Variants in FOLH1 observed in about 807,000 individuals in gnomAD.
FOLH1 encodes folate hydrolase 1, also known as glutamate carboxypeptidase 2.
A neutral mutation model predicts 93.9 loss-of-function variants in FOLH1; 54 were observed. The ratio of observed to expected loss-of-function variants is 0.57; its 90% confidence interval spans 0.46 to 0.72. The LOEUF (loss-of-function observed/expected upper bound fraction) is 0.72. FOLH1 is among the 30% of genes least tolerant of loss of function. The probability of loss-of-function intolerance (pLI) is 0.00; values close to 1 mark genes in which losing one functional copy is unlikely to be tolerated. For missense variants in FOLH1, 571 were observed against 892.5 expected, an observed-to-expected ratio of 0.64 and a Z score of 4.59; for synonymous variants, 249 against 303.6, an observed-to-expected ratio of 0.82 and a Z score of 1.87.
chr11:49,204,718 AT>A (rs1266347851), intron 2 of FOLH1, among the ~76,000 whole-genome samples: 3 of 152,036 alleles, frequency 2.0e-5, no homozygotes, highest in African/African-American at 7.2e-5. Flanking sequence ...AAACATATAT[AT>A]GTTTGTATGA....
chr11:49,146,620 A>G lies in FOLH1; in HGVS notation c.*136T>C. 1 of 658,610 alleles carries G rather than the reference A, an allele frequency of 1.5e-6. No individual in the cohort carries two copies. The highest frequency in any genetic ancestry group is 2.7e-5 in the South Asian group (1 of 37,180). The allele number at this position is 658,610 out of a possible 1,614,324, so 40.8% of individuals were successfully genotyped here. On this transcript the variant is annotated 3_prime_UTR_variant, in exon 19 of 19. Coordinates refer to ENST00000256999, the MANE Select transcript of FOLH1 (RefSeq NM_004476.3). ...AAACAATATAAACACACACATATAT[A>G]AACACTCACATAACTATATATAATA...
At chr11:49,149,484 T>C (rs1856221911) in intron 17 of FOLH1, among the ~76,000 whole-genome samples, 1 of 152,182 alleles carries the variant, frequency 6.6e-6, no homozygotes, top group East Asian at 1.9e-4. Flanking sequence ...CTTCATGTTG[T>C]TAAGACAATG....
At chr11:49,201,501 A>G (rs901226099) in intron 2 of FOLH1, among the ~76,000 whole-genome samples, 3 of 151,500 alleles carry the variant, frequency 2.0e-5, no homozygotes, top group Non-Finnish European at 2.9e-5. Context: ...AATTTCCTGT[A>G]ACTTGTTTAC....
chr11:49,180,930 TTG>T (rs931146626), intron 7 of FOLH1, among the ~76,000 whole-genome samples: 7 of 152,054 alleles, frequency 4.6e-5, no homozygotes, highest in African/African-American at 1.4e-4. Flanking sequence ...GTCAGATGAA[TTG>T]TGTTTGTTAT....
chr11:49,183,627 A>G (rs758715440), intron 6 of FOLH1, among the ~76,000 whole-genome samples: 1 of 152,238 alleles, frequency 6.6e-6, no homozygotes, highest in Non-Finnish European at 1.5e-5. Flanking sequence ...GTTTCTAACA[A>G]CAGAAGAATG....
intron 12 of FOLH1, among the ~76,000 whole-genome samples, chr11:49,167,476 T>C (rs1244546274): frequency 2.0e-5 from 3 of 152,110 alleles, no homozygotes; most frequent in Non-Finnish European, 4.4e-5. Flanking sequence ...AAATGCACTG[T>C]GTAAACTAAC....
rs16906188 is a variant in FOLH1 at position 49,180,289 on chromosome 11, C to T, written c.920+2860G>A. Among the ~76,000 whole-genome samples the T allele has an allele frequency of 9.7e-3, 1,484 of 152,298 alleles. 69 individuals carry two copies. The highest frequency in any genetic ancestry group is 0.07 in the Admixed American group (1,065 of 15,304). Reference sequence around the variant, plus strand: ...CCTCCATGCAGGATACATGCTATTACTGTTGCCGTTGGCACTATAATTATC... The same window carrying T: ...CCTCCATGCAGGATACATGCTATTATTGTTGCCGTTGGCACTATAATTATC... On this transcript the variant is annotated intron_variant, in intron 7 of 18. Coordinates refer to ENST00000256999, the MANE Select transcript of FOLH1 (RefSeq NM_004476.3).
At chr11:49,182,368 G>C (rs918220103) in intron 7 of FOLH1, among the ~76,000 whole-genome samples, 15 of 147,644 alleles carry the variant, frequency 1.0e-4, no homozygotes, top group African/African-American at 3.7e-4. Flanking sequence ...GGCAATGGGA[G>C]AAAGCAGCAC....
intron 17 of FOLH1, among the ~76,000 whole-genome samples, chr11:49,153,465 TG>T (rs929638978): frequency 7.9e-5 from 12 of 151,936 alleles, no homozygotes; most frequent in African/African-American, 2.9e-4. Flanking sequence ...TGGAAACAGC[TG>T]GGGTCACACA....
chr11:49,184,520 TAAA>T (rs35130842), intron 6 of FOLH1, among the ~76,000 whole-genome samples: 1 of 152,052 alleles, frequency 6.6e-6, no homozygotes, highest in African/African-American at 2.4e-5. Context: ...AACTTGGAAA[TAAA>T]AAGGTGGAGC....
At chr11:49,151,973 T>G (rs1856555124) in intron 17 of FOLH1, among the ~76,000 whole-genome samples, 1 of 152,130 alleles carries the variant, frequency 6.6e-6, no homozygotes, top group Non-Finnish European at 1.5e-5. Flanking sequence ...ATAGCACAAT[T>G]ATTATAATAA....
chr11:49,165,686 C>CA (rs1240172090), intron 12 of FOLH1, among the ~76,000 whole-genome samples: 1 of 152,190 alleles, frequency 6.6e-6, no homozygotes. Flanking sequence ...TGTAAAAGCA[C>CA]ATGAAACACT....
chr11:49,178,430 A>T (rs1281686285), intron 7 of FOLH1, among the ~76,000 whole-genome samples: 2 of 152,234 alleles, frequency 1.3e-5, no homozygotes, highest in Non-Finnish European at 2.9e-5. Context: ...AATAAAAATT[A>T]ATAGTCCATA....
intron 15 of FOLH1, among the ~76,000 whole-genome samples, chr11:49,155,834 A>G (rs1856966242): frequency 7.2e-6 from 1 of 138,876 alleles, no homozygotes. Context: ...ATATATATAT[A>G]TAATCAACAA....
chr11:49,152,158 C>T (rs1351436524), intron 17 of FOLH1, among the ~76,000 whole-genome samples: 2 of 151,974 alleles, frequency 1.3e-5, no homozygotes, highest in East Asian at 1.9e-4. Flanking sequence ...TGGTGAATAT[C>T]AAATTTTTTA....
intron 13 of FOLH1, among the ~76,000 whole-genome samples, chr11:49,159,046 T>A (rs1857341806): frequency 2.0e-5 from 3 of 152,194 alleles, no homozygotes; most frequent in Admixed American, 2.0e-4. Flanking sequence ...ACAATGGAAT[T>A]TCCTAGATAT....
intron 3 of FOLH1, 142 bp downstream of exon 3, chr11:49,200,113 A>G: frequency 1.2e-6 from 1 of 821,638 alleles, no homozygotes; most frequent in Non-Finnish European, 1.8e-6. Context: ...ACGGATAATG[A>G]GATATTAAAG....
chr11:49,163,929 G>A lies in FOLH1; in HGVS notation c.1440+776C>T, dbSNP rs374316089. Among the ~76,000 whole-genome samples, 6 of 152,212 alleles carry A rather than the reference G, an allele frequency of 3.9e-5. No individual in the cohort carries two copies. In the East Asian group the frequency reaches 9.7e-4, roughly 25 times the overall value. ...ACATTCGCTCATCATTTTCCTGGGT[G>A]GGGGAGGTTCCCTTGACTCTGTGTC... On this transcript the variant is annotated intron_variant, in intron 13 of 18. Transcript: ENST00000256999.
Position 49,153,824 on chromosome 11 carries a change from T to A in FOLH1, c.1970+22A>T, listed in dbSNP as rs747290318. 9 of 1,542,008 alleles carry A rather than the reference T, an allele frequency of 5.8e-6. No individual in the cohort carries two copies. In the Admixed American group the frequency reaches 1.7e-4, roughly 29 times the overall value. ...ATATATACACACACATACACACATA[T>A]GCACATATATGTAGAACATACTTGC... On this transcript the variant is annotated intron_variant, in intron 17 of 18. Coordinates refer to ENST00000256999, the MANE Select transcript of FOLH1 (RefSeq NM_004476.3).
Sources: allele counts gnomAD v4.1 joint callset (sites outside exome capture counted in the v4.1 genomes callset), GRCh38; gene constraint gnomAD v4.1.1; transcripts MANE v1.5; gene names NCBI Gene and HGNC (gene_info 2026-07-23, HGNC 2026-07-21).